ANO4: variants seen among roughly 807,000 people sequenced by gnomAD.
ANO4 encodes the protein anoctamin-4.
ANO4 carries 69 observed loss-of-function variants against 141.9 expected under a neutral mutation model. The ratio of observed to expected loss-of-function variants is 0.49; its 90% CI spans 0.40 to 0.59. The LOEUF (loss-of-function observed/expected upper bound fraction) is 0.59, where lower values mean the gene tolerates loss of function less well. Ranked by LOEUF, ANO4 falls within the 20% of genes least tolerant of loss-of-function variation. ANO4 has a pLI of 0.00. For missense variants in ANO4, 894 were observed against 1,162.2 expected, an observed-to-expected ratio of 0.77 and a Z score of 3.36; for synonymous variants, 350 against 394.3, an observed-to-expected ratio of 0.89 and a Z score of 1.33.
chr12:101,029,706 T>G (rs143896252), intron 9 of ANO4, among the ~76,000 whole-genome samples: 1,694 of 151,884 alleles, frequency 0.011, 92 homozygotes, highest in Admixed American at 0.1. Context: ...GGTCAGGAAA[T>G]CAAGACCATC....
chr12:100,928,380 A>G (rs1013602048), intron 3 of ANO4, among the ~76,000 whole-genome samples: 18 of 152,132 alleles, frequency 1.2e-4, no homozygotes, highest in Non-Finnish European at 1.5e-5. Context: ...ATAAGTGTTG[A>G]CTGCCACCTT....
intron 8 of ANO4, 39 bp from the exon 9 acceptor site, chr12:101,019,995 G>A (rs750407327): frequency 1.1e-5 from 16 of 1,522,756 alleles, no homozygotes; most frequent in South Asian, 2.3e-5. Flanking sequence ...CTTCACCTCC[G>A]ATTAATTCTC....
rs2033185497 is a variant in ANO4, at chr12:100,768,773, A to C, written c.358+28668A>C. ...AAAATTTGATATTTTTGTGAAACTT[A>C]AAATGGTATAATTTTCCTGAATTTT... On this transcript the variant is annotated intron_variant, in intron 3 of 29. Coordinates refer to the ANO4 transcript ENST00000644049. 2.0e-5 allele frequency among the ~76,000 whole-genome samples: 3 copies of C among 152,220 alleles called. No homozygotes were observed. The South Asian group carries it at 6.2e-4, about 32-fold the overall frequency.
intron 8 of ANO4, among the ~76,000 whole-genome samples, chr12:101,018,366 A>G (rs961137195): frequency 1.3e-5 from 2 of 152,346 alleles, no homozygotes; most frequent in Non-Finnish European, 2.9e-5. Flanking sequence ...CCACCAACTC[A>G]AATTACCTTT....
In ANO4 at chr12:100,974,856, A is replaced by G. The variant is rs762589282; in HGVS notation, c.569A>G (p.Tyr190Cys). ...NVRMPFRRKIYYLPRRYKFMS... is the reference protein window; with the variant it reads ...NVRMPFRRKICYLPRRYKFMS... ...TGCTGTTCTTCCAGGAGAAAAATCT[A>G]TTACCTGCCCCGCCGTTACAAGTTC... Residue 190 changes from tyrosine to cysteine, a missense_variant, in exon 7 of 28, where the codon TAT (tyrosine) becomes TGT (cysteine). By Grantham distance (194) the Tyr-to-Cys change is radical. Transcript: ENST00000392977. The G allele has an allele frequency of 1.8e-5, 29 of 1,613,150 alleles. No individual in the cohort carries two copies. Among genetic ancestry groups the G allele is most frequent in the Non-Finnish European group, 2.5e-5 (29 of 1,179,852 alleles).
At chr12:100,748,560 A>G (rs1277778353) in intron 3 of ANO4, among the ~76,000 whole-genome samples, 3 of 152,326 alleles carry the variant, frequency 2.0e-5, no homozygotes, top group African/African-American at 4.8e-5. Context: ...CTAAACCATT[A>G]TATTTAAAGT....
intron 1 of ANO4, among the ~76,000 whole-genome samples, chr12:100,795,867 A>G (rs10860635): frequency 0.95 from 143,948 of 152,210 alleles, 68,156 homozygotes; most frequent in East Asian, 1. Context: ...TATTCCAGGG[A>G]CATTACTCTT....
At chr12:100,968,878 G>C (rs778077387) in intron 5 of ANO4, among the ~76,000 whole-genome samples, 2 of 152,132 alleles carry the variant, frequency 1.3e-5, no homozygotes, top group Non-Finnish European at 2.9e-5. Context: ...TATGGGCATC[G>C]CAGCCTGTGA....
upstream of ANO4, among the ~76,000 whole-genome samples, chr12:100,790,626 A>G (rs2034013551): frequency 6.6e-6 from 1 of 150,670 alleles, no homozygotes; most frequent in Non-Finnish European, 1.5e-5. Flanking sequence ...TCAGCCACTG[A>G]TTTATTTTTC....
intron 9 of ANO4, among the ~76,000 whole-genome samples, chr12:101,036,357 A>G (rs944153449): frequency 6.6e-6 from 1 of 152,230 alleles, no homozygotes; most frequent in Non-Finnish European, 1.5e-5. Flanking sequence ...TACATATCCC[A>G]AGGAATTGAA....
rs1021946936 is a variant in ANO4, at chr12:101,019,026, A to G, written c.735-1008A>G. On this transcript the variant is annotated intron_variant, in intron 8 of 27. Coordinates refer to ENST00000392977, the MANE Select transcript of ANO4 (RefSeq NM_001286615.2). ...GCAAAATAAGAAATAGCACAAAGGAAGGAGTAACTGAATGCTTTGGGGGAC... is the reference window on the plus strand; with the variant it reads ...GCAAAATAAGAAATAGCACAAAGGAGGGAGTAACTGAATGCTTTGGGGGAC... Among the ~76,000 whole-genome samples, 6 of 152,148 alleles carry G rather than the reference A, an allele frequency of 3.9e-5. No individual in the cohort carries two copies. The East Asian group carries it at 9.6e-4, about 24-fold the overall frequency.
chr12:101,044,421 A>G (rs2047541819), intron 13 of ANO4, among the ~76,000 whole-genome samples: 1 of 152,226 alleles, frequency 6.6e-6, no homozygotes, highest in African/African-American at 2.4e-5. Flanking sequence ...TCACATTCCT[A>G]GAGTTTTTTG....
chr12:100,906,907 G>A (rs1054145109), intron 2 of ANO4, among the ~76,000 whole-genome samples: 1 of 152,184 alleles, frequency 6.6e-6, no homozygotes, highest in Non-Finnish European at 1.5e-5. Context: ...CCACAGGGAA[G>A]CATGACCACT....
chr12:100,721,059 A>G (rs995400483), intron 1 of ANO4, among the ~76,000 whole-genome samples: 19 of 152,244 alleles, frequency 1.2e-4, no homozygotes, highest in Non-Finnish European at 2.2e-4. Context: ...ACTCCCACAT[A>G]GAAATCACCA....
intron 25 of ANO4, among the ~76,000 whole-genome samples, chr12:101,117,421 C>T (rs751242454): frequency 4.6e-5 from 7 of 152,198 alleles, no homozygotes; most frequent in African/African-American, 9.7e-5. Flanking sequence ...TCCATTTAAT[C>T]GTCACATCAG....
intron 1 of ANO4, among the ~76,000 whole-genome samples, chr12:100,814,788 C>T (rs920122297): frequency 1.4e-4 from 22 of 152,024 alleles, no homozygotes; most frequent in African/African-American, 5.1e-4. Flanking sequence ...GAAGGGTACT[C>T]CATCTTCACT....
chr12:100,901,868 C>T (rs1239182721), intron 2 of ANO4, 28 bp downstream of exon 2: 2 of 1,560,992 alleles, frequency 1.3e-6, no homozygotes, highest in Non-Finnish European at 1.7e-6. Flanking sequence ...TCAACGGGGA[C>T]CCATTTCAGT....
chr12:101,052,296 T>G (rs985532171), intron 14 of ANO4, among the ~76,000 whole-genome samples: 1 of 152,076 alleles, frequency 6.6e-6, no homozygotes, highest in Non-Finnish European at 1.5e-5. Context: ...CGGCTGGAAT[T>G]ACAGTGTGGC....
At chr12:100,895,285 T>G (rs1355262644) in intron 1 of ANO4, among the ~76,000 whole-genome samples, 1 of 152,150 alleles carries the variant, frequency 6.6e-6, no homozygotes. Flanking sequence ...ATAGACAGCA[T>G]TGCTGTGAGT....
Sources: gnomAD v4.1 joint callset for allele counts (sites outside exome capture counted in the v4.1 genomes callset) on GRCh38, gnomAD v4.1.1 for gene constraint, MANE v1.5 for transcripts, NCBI Gene and HGNC (gene_info 2026-07-23, HGNC 2026-07-21) for gene names.